Variants in CHIC1 observed in about 807,000 individuals in gnomAD.
CHIC1 encodes the protein cysteine-rich hydrophobic domain-containing protein 1.
Under a neutral mutation model 18.5 loss-of-function variants are expected in CHIC1, and 7 were observed. The observed-to-expected ratio is 0.38, with a 90% CI of 0.22 to 0.71. The LOEUF (loss-of-function observed/expected upper bound fraction) is 0.71, where lower values mean the gene tolerates loss of function less well. CHIC1 is among the 30% of genes least tolerant of loss of function. The probability of loss-of-function intolerance (pLI) is 0.49; values close to 1 mark genes in which losing one functional copy is unlikely to be tolerated. For missense variants in CHIC1, 159 were observed against 176.9 expected, an observed-to-expected ratio of 0.90 and a Z score of 0.57; for synonymous variants, 77 against 73.5, an observed-to-expected ratio of 1.05 and a Z score of -0.25.
intron 3 of CHIC1, among the ~76,000 whole-genome samples, chrX:73,590,584 T>C (rs1437341482): frequency 2.7e-5 from 3 of 111,583 alleles, no homozygotes; most frequent in African/African-American, 9.7e-5. Context: ...AGAATAGCAG[T>C]TTCACTGCCC....
chrX:73,675,960 G>A (rs1220912761), intron 3 of CHIC1, among the ~76,000 whole-genome samples: 1 of 110,812 alleles, frequency 9.0e-6, no homozygotes, highest in Admixed American at 9.6e-5. Flanking sequence ...TTGCTTGTCT[G>A]TAAAGGATTT....
intron 4 of CHIC1, 131 bp downstream of exon 4, chrX:73,679,513 T>C (rs1396336861): frequency 5.4e-6 from 3 of 556,598 alleles, no homozygotes; most frequent in African/African-American, 2.3e-5. Context: ...TTTTAATATA[T>C]ATTCTTTACA....
chrX:73,621,281 A>C (rs2057759023), intron 3 of CHIC1, among the ~76,000 whole-genome samples: 1 of 112,068 alleles, frequency 8.9e-6, no homozygotes, highest in African/African-American at 3.2e-5. Context: ...TCTGTGAATT[A>C]CTTTGGGCAG....
At chrX:73,609,421 A>C (rs1377724640) in intron 3 of CHIC1, among the ~76,000 whole-genome samples, 3 of 108,559 alleles carry the variant, frequency 2.8e-5, no homozygotes, top group Non-Finnish European at 5.7e-5. Flanking sequence ...GTTTTGTTTT[A>C]GACCATTTCT....
chrX:73,576,930 C>CAA (rs1361680025), intron 1 of CHIC1, among the ~76,000 whole-genome samples: 3 of 110,468 alleles, frequency 2.7e-5, no homozygotes, highest in African/African-American at 9.8e-5. Flanking sequence ...CACAAGTAGT[C>CAA]AAACTCTGTA....
At chrX:73,672,982 A>AT (rs1569505636) in intron 3 of CHIC1, among the ~76,000 whole-genome samples, 1 of 111,464 alleles carries the variant, frequency 9.0e-6, no homozygotes, top group East Asian at 2.8e-4. Flanking sequence ...CTTTCTACAT[A>AT]TGGCTAGCCA....
chrX:73,678,246 G>T (rs1203190306), intron 3 of CHIC1, among the ~76,000 whole-genome samples: 3 of 111,576 alleles, frequency 2.7e-5, no homozygotes, highest in Non-Finnish European at 5.6e-5. Flanking sequence ...GATTGTGGAG[G>T]CTGTGGTAAG....
At chrX:73,672,635 G>C (rs1411042744) in intron 3 of CHIC1, among the ~76,000 whole-genome samples, 2 of 112,167 alleles carry the variant, frequency 1.8e-5, no homozygotes, top group East Asian at 5.6e-4. Flanking sequence ...TTGTAAATTT[G>C]TTTGAGTTCA....
intron 1 of CHIC1, among the ~76,000 whole-genome samples, chrX:73,575,691 TGTGAGTGA>T (rs200895203): frequency 4.6e-5 from 5 of 109,747 alleles, no homozygotes; most frequent in East Asian, 2.8e-4. Context: ...AGTTGCTCTG[TGTGAGTGA>T]GTGAGTGAGT....
At chrX:73,646,674 T>C (rs1170035072) in intron 3 of CHIC1, among the ~76,000 whole-genome samples, 1 of 112,356 alleles carries the variant, frequency 8.9e-6, no homozygotes, top group Non-Finnish European at 1.9e-5. Flanking sequence ...GTTGATTTTG[T>C]ATCTTGTAAA....
intron 3 of CHIC1, among the ~76,000 whole-genome samples, chrX:73,656,928 C>T (rs1389845082): frequency 3.6e-5 from 4 of 111,467 alleles, no homozygotes; most frequent in South Asian, 7.5e-4. Flanking sequence ...TCTTCCTATC[C>T]GTGAGCCTGG....
At chrX:73,600,700 G>A (rs1178459340) in intron 3 of CHIC1, among the ~76,000 whole-genome samples, 7 of 107,205 alleles carry the variant, frequency 6.5e-5, no homozygotes, top group Non-Finnish European at 1.1e-4. Flanking sequence ...GATCATGGTC[G>A]ATAAGCTTTT....
chrX:73,666,633 G>A (rs2058005495), intron 3 of CHIC1, among the ~76,000 whole-genome samples: 2 of 112,068 alleles, frequency 1.8e-5, no homozygotes, highest in Non-Finnish European at 3.8e-5. Context: ...TCAGTCCAAC[G>A]AAGTTGACAC....
In CHIC1 at chrX:73,614,054, T is replaced by C. The variant is rs1275210097; in HGVS notation, c.507+29482T>C. On this transcript the variant is annotated intron_variant, in intron 3 of 5. Coordinates refer to ENST00000373502, the MANE Select transcript of CHIC1 (RefSeq NM_001039840.4). ...TTAAGCAGTTTTTGTTGGATGGGTC[T>C]AGTAGTGATGAATTACCTCAGCTTT... Among the ~76,000 whole-genome samples the C allele has an allele frequency of 2.7e-5, 3 of 112,115 alleles. No homozygotes were observed. In the Admixed American group the frequency reaches 2.9e-4, roughly 11 times the overall value.
intron 3 of CHIC1, among the ~76,000 whole-genome samples, chrX:73,653,725 C>T: frequency 8.9e-6 from 1 of 112,033 alleles, no homozygotes; most frequent in Non-Finnish European, 1.9e-5. Context: ...TGTGTGTGCC[C>T]TTTTTAATTT....
At chrX:73,665,663 C>G (rs1218196750) in intron 3 of CHIC1, among the ~76,000 whole-genome samples, 1 of 111,368 alleles carries the variant, frequency 9.0e-6, no homozygotes, top group Non-Finnish European at 1.9e-5. Flanking sequence ...TCTTCGTTTT[C>G]AAGGGTTCCA....
intron 4 of CHIC1, 80 bp downstream of exon 4, chrX:73,679,462 T>C: frequency 1.4e-6 from 1 of 714,900 alleles, no homozygotes; most frequent in South Asian, 2.7e-5. Context: ...AATGGGAATT[T>C]TTAGGCCACA....
chrX:73,566,015 C>A (rs968443600), intron 1 of CHIC1, among the ~76,000 whole-genome samples: 20 of 110,987 alleles, frequency 1.8e-4, no homozygotes, highest in African/African-American at 5.6e-4. Flanking sequence ...TCATTTGTTT[C>A]ATTTCTTTCC....
At chrX:73,610,011 T>C (rs2057700396) in intron 3 of CHIC1, among the ~76,000 whole-genome samples, 1 of 108,033 alleles carries the variant, frequency 9.3e-6, no homozygotes, top group Non-Finnish European at 1.9e-5. Flanking sequence ...TTTATACCTA[T>C]TAAACAACAT....
Sources: allele counts gnomAD v4.1 joint callset (sites outside exome capture counted in the v4.1 genomes callset), GRCh38; gene constraint gnomAD v4.1.1; transcripts MANE v1.5; gene names NCBI Gene and HGNC (gene_info 2026-07-23, HGNC 2026-07-21).